The following NEBL variants were observed in gnomAD, a reference collection of about 807,000 sequenced individuals.
The protein encoded by NEBL is nebulette, also known as LIM and SH3 protein 2.
A neutral mutation model predicts 140.2 loss-of-function variants in NEBL; 122 were observed. The ratio of observed to expected loss-of-function variants is 0.87; its 90% confidence interval spans 0.75 to 1.01. NEBL has a LOEUF of 1.01. Ranked by LOEUF, NEBL falls within the 50% of genes least tolerant of loss-of-function variation. The pLI, the probability that NEBL is intolerant of heterozygous loss-of-function variation, is 0.00. For synonymous variants in NEBL, 436 were observed against 398.9 expected (o/e 1.09, Z -1.11); for missense variants, 1,365 against 1,231.3 (o/e 1.11, Z -1.62).
intron 9 of NEBL, among the ~76,000 whole-genome samples, chr10:20,857,418 T>G (rs1028428973): frequency 6.6e-6 from 1 of 152,214 alleles, no homozygotes; most frequent in East Asian, 1.9e-4. Flanking sequence ...TTTCTGCATC[T>G]AATCTATGCC....
At chr10:21,143,799 A>T (rs973147695) in intron 2 of NEBL, among the ~76,000 whole-genome samples, 2 of 151,668 alleles carry the variant, frequency 1.3e-5, no homozygotes, top group Non-Finnish European at 2.9e-5. Flanking sequence ...ATACATCTAG[A>T]TTTTCTATTC....
intron 2 of NEBL, among the ~76,000 whole-genome samples, chr10:21,072,250 G>T (rs1277451717): frequency 6.6e-6 from 1 of 152,012 alleles, no homozygotes; most frequent in African/African-American, 2.4e-5. Context: ...TCTCCTCATA[G>T]CCCTCCCTTC....
At chr10:21,125,016 A>G (rs1431604667) in intron 2 of NEBL, among the ~76,000 whole-genome samples, 3 of 151,614 alleles carry the variant, frequency 2.0e-5, no homozygotes, top group Non-Finnish European at 2.9e-5. Flanking sequence ...ACTGAAGTGC[A>G]GTGTTGAGAG....
In NEBL at chr10:21,239,586, G is replaced by T. The variant is rs549845630; in HGVS notation, n.348+8335C>A. Among the ~76,000 whole-genome samples the T allele has an allele frequency of 2.2e-4, 33 of 152,154 alleles. 1 individual carries two copies. In the South Asian group the frequency reaches 6.6e-3, roughly 31 times the overall value. ...AAAAGCTCTGGGAGGTCTCTTCTTT[G>T]TACTCTATTCCAGCCTCTGAATCCC... On this transcript the variant is annotated intron_variant and non_coding_transcript_variant, in intron 3 of 8. Transcript: ENST00000675702.
At chr10:20,796,548 T>A (rs1482337140) in intron 26 of NEBL, among the ~76,000 whole-genome samples, 1 of 152,132 alleles carries the variant, frequency 6.6e-6, no homozygotes, top group East Asian at 1.9e-4. Context: ...CAACTGCTTT[T>A]TCTCTAGAAA....
chr10:21,060,567 A>G (rs1462327894), intron 2 of NEBL, among the ~76,000 whole-genome samples: 7 of 152,072 alleles, frequency 4.6e-5, no homozygotes, highest in Non-Finnish European at 2.9e-5. Context: ...CTACTGGCTC[A>G]TATATTTTAA....
intron 19 of NEBL, among the ~76,000 whole-genome samples, chr10:20,821,252 T>A (rs143314527): frequency 1.3e-4 from 20 of 152,236 alleles, no homozygotes; most frequent in Non-Finnish European, 2.4e-4. Context: ...TTCACAAACA[T>A]GCTGTGTGCT....
At chr10:21,292,079 C>G (rs933066883) in intron 1 of NEBL, among the ~76,000 whole-genome samples, 1 of 152,100 alleles carries the variant, frequency 6.6e-6, no homozygotes, top group African/African-American at 2.4e-5. Context: ...TTAGTAAGGA[C>G]CAAAACATCT....
chr10:21,255,857 C>T (rs1298189418), intron 1 of NEBL, among the ~76,000 whole-genome samples: 2 of 151,518 alleles, frequency 1.3e-5, no homozygotes, highest in Non-Finnish European at 2.9e-5. Context: ...ATTAGCCAGG[C>T]GTGGGTCCCA....
At chr10:21,158,645 C>T (rs944724754) in intron 2 of NEBL, among the ~76,000 whole-genome samples, 1 of 152,236 alleles carries the variant, frequency 6.6e-6, no homozygotes, top group African/African-American at 2.4e-5. Flanking sequence ...ACCACATCTA[C>T]AGGGTTTTCT....
chr10:21,267,073 C>T (rs984006356), intron 1 of NEBL, among the ~76,000 whole-genome samples: 1 of 151,980 alleles, frequency 6.6e-6, no homozygotes, highest in African/African-American at 2.4e-5. Flanking sequence ...TTGCCAGGTC[C>T]CAGCAATTCT....
intron 4 of NEBL, among the ~76,000 whole-genome samples, chr10:20,886,701 A>G (rs1846553286): frequency 6.6e-6 from 1 of 152,194 alleles, no homozygotes; most frequent in East Asian, 1.9e-4. Flanking sequence ...ACCTTGGCCA[A>G]CTGACTTAAC....
rs1009776957 is a variant in NEBL at position 20,803,793 on chromosome 10, T to A, written c.2761+4717A>T. 5.5e-5 allele frequency among the ~76,000 whole-genome samples: 8 copies of A among 146,582 alleles called. No individual in the cohort carries two copies. The Admixed American group carries it at 5.5e-4, about 10-fold the overall frequency. On this transcript the variant is annotated intron_variant, in intron 26 of 27. Coordinates refer to ENST00000377122, the MANE Select transcript of NEBL (RefSeq NM_006393.3). ...AAGCCACTGAGAAATCATGGAGACTTCTTTCCTTCTGTACGAAAAATATAT... is the reference window on the plus strand; with the variant it reads ...AAGCCACTGAGAAATCATGGAGACTACTTTCCTTCTGTACGAAAAATATAT...
At chr10:21,025,343 A>G (rs1451028668) in intron 2 of NEBL, among the ~76,000 whole-genome samples, 1 of 152,228 alleles carries the variant, frequency 6.6e-6, no homozygotes, top group East Asian at 1.9e-4. Context: ...AAGTGTGTGT[A>G]TCAAGACTGA....
chr10:20,903,914 C>G (rs763223187), intron 4 of NEBL, among the ~76,000 whole-genome samples: 2 of 112,282 alleles, frequency 1.8e-5, no homozygotes, highest in Non-Finnish European at 3.4e-5. Flanking sequence ...GGAACAATTA[C>G]ACTACTCAAG....
At chr10:21,155,141 G>A (rs1840290629) in intron 2 of NEBL, among the ~76,000 whole-genome samples, 1 of 152,122 alleles carries the variant, frequency 6.6e-6, no homozygotes, top group South Asian at 2.1e-4. Context: ...AGAGGTTGCA[G>A]TGAGCTGAGA....
intron 3 of NEBL, among the ~76,000 whole-genome samples, chr10:21,238,716 TAAAAA>T (rs35732687): frequency 0.018 from 1,735 of 94,482 alleles, 44 homozygotes; most frequent in African/African-American, 0.059. Flanking sequence ...TCAAAAAAAT[TAAAAA>T]AAAAAAAAAA....
chr10:21,238,769 A>G (rs1436791127), intron 3 of NEBL, among the ~76,000 whole-genome samples: 1 of 151,662 alleles, frequency 6.6e-6, no homozygotes, highest in Non-Finnish European at 1.5e-5. Context: ...AGGAGGAGGA[A>G]AAGAAGAAAT....
intron 2 of NEBL, among the ~76,000 whole-genome samples, chr10:21,039,317 T>C (rs1235779888): frequency 6.6e-6 from 1 of 152,160 alleles, no homozygotes; most frequent in African/African-American, 2.4e-5. Flanking sequence ...ATGTCCTGAA[T>C]GGTATTGCCT....
Sources: gnomAD v4.1 joint callset for allele counts (sites outside exome capture counted in the v4.1 genomes callset) on GRCh38, gnomAD v4.1.1 for gene constraint, MANE v1.5 for transcripts, NCBI Gene and HGNC (gene_info 2026-07-23, HGNC 2026-07-21) for gene names.